The following KDM3B variants were observed in gnomAD, a reference collection of about 807,000 sequenced individuals.
KDM3B encodes lysine demethylase 3B.
A neutral mutation model predicts 170.0 loss-of-function variants in KDM3B; 10 were observed. The ratio of observed to expected loss-of-function variants is 0.06; its 90% CI spans 0.04 to 0.10. The LOEUF is 0.10. Among genes scored for constraint, KDM3B ranks in the 10% least tolerant of loss-of-function variants. KDM3B has a pLI of 1.00. For missense variants in KDM3B, 1,394 were observed against 2,195.2 expected, an observed-to-expected ratio of 0.64 and a Z score of 7.29; for synonymous variants, 831 against 834.8, an observed-to-expected ratio of 1.00 and a Z score of 0.08.
At chr5:138,364,971 T>A (rs544778951) in intron 1 of KDM3B, among the ~76,000 whole-genome samples, 1 of 152,368 alleles carries the variant, frequency 6.6e-6, no homozygotes, top group African/African-American at 2.4e-5. Flanking sequence ...TAGAAAGCTA[T>A]CTCTTGAGAA....
chr5:138,399,887 G>A lies in KDM3B; in HGVS notation c.3074G>A (p.Arg1025His), dbSNP rs751319439. 20 of 1,613,910 alleles carry A rather than the reference G, an allele frequency of 1.2e-5. No individual in the cohort carries two copies. Among genetic ancestry groups the A allele is most frequent in the East Asian group, 4.5e-5 (2 of 44,890 alleles). The change falls in exon 11 of 24, where the codon CGT becomes CAT. Residue 1025 changes from arginine to histidine, a missense_variant. By Grantham distance (29) the Arg-to-His change is conservative. Coordinates refer to ENST00000314358, the MANE Select transcript of KDM3B (RefSeq NM_016604.4). ...AAAGTGGCATGGAAGCGAGCTGTGC[G>A]TGGTGTACGGGAGATGTGTGATGTG... ...HQKVAWKRAV[R>H]GVREMCDVCE...
intron 19 of KDM3B, 115 bp from the exon 20 acceptor site, chr5:138,427,852 C>T (rs958099916): frequency 1.1e-6 from 1 of 920,362 alleles, no homozygotes; most frequent in Admixed American, 2.4e-5. Flanking sequence ...ATAGACTTCA[C>T]TCTCCTAATT....
intron 6 of KDM3B, 44 bp downstream of exon 6, chr5:138,381,634 A>G (rs986278776): frequency 1.6e-6 from 2 of 1,237,120 alleles, no homozygotes; most frequent in African/African-American, 2.9e-5. Flanking sequence ...ATGAGCTTGC[A>G]TTATCTTGCT....
rs577597390 is a variant in KDM3B, at chr5:138,420,731, C to T, written c.3741C>T (p.Leu1247=). Residue 1247 remains leucine, a synonymous_variant, in exon 15 of 24, where the codon CTC becomes CTT. Transcript: ENST00000314358. ...TKEAGSLRSV[L]NKESHSPFGL... The stretch of plus-strand genomic sequence containing the variant: ...AAGCAGGGTCCCTGAGGTCGGTGCT[C>T]AATAAAGAGTCTCATTCACCCTTTG... The T allele has an allele frequency of 9.3e-6, 15 of 1,614,098 alleles. No homozygotes were observed. The South Asian group carries it at 1.3e-4, about 14-fold the overall frequency.
chr5:138,383,892 G>A (rs1762187421), intron 6 of KDM3B, among the ~76,000 whole-genome samples: 1 of 151,990 alleles, frequency 6.6e-6, no homozygotes, highest in South Asian at 2.1e-4. Flanking sequence ...GGAGGTTGCA[G>A]TGAGCTGAGA....
chr5:138,364,610 G>A (rs1761697178), intron 1 of KDM3B, among the ~76,000 whole-genome samples: 1 of 151,818 alleles, frequency 6.6e-6, no homozygotes, highest in Non-Finnish European at 1.5e-5. Context: ...AGTCATGCCA[G>A]TTTTTACTCT....
rs758931879 is a variant in KDM3B, at chr5:138,391,125, C to T, written c.1493C>T (p.Thr498Ile). ...GRSQSNGVLA[T>I]ENKPLGFSFG... ...AGCCAGTCCAATGGTGTTCTAGCCA[C>T]AGAGAACAAACCTTTGGGCTTCTCT... The change falls in exon 8 of 24, where the codon ACA becomes ATA. Residue 498 changes from threonine (T) to isoleucine (I), a missense_variant. Thr to Ile is a moderately conservative substitution (Grantham distance 89, BLOSUM62 -1). Around this residue, in one of 19 missense-constraint regions of KDM3B, gnomAD observed 10 missense variants for 29.3 expected, o/e 0.34. Coordinates refer to ENST00000314358, the MANE Select transcript of KDM3B (RefSeq NM_016604.4). This position sits in a 1 kb window ranked among gnomAD's most constrained non-coding sequence, Gnocchi z 5.0. 1.4e-5 allele frequency: 22 copies of T among 1,614,046 alleles called. No individual in the cohort carries two copies. The highest frequency in any genetic ancestry group is 3.4e-6 in the Non-Finnish European group (4 of 1,179,988).
chr5:138,370,585 T>C (rs574410791), intron 1 of KDM3B, among the ~76,000 whole-genome samples: 1 of 152,338 alleles, frequency 6.6e-6, no homozygotes, highest in East Asian at 1.9e-4. Context: ...ATTAAGTTTT[T>C]AATGGATTTG....
intron 13 of KDM3B, chr5:138,417,868 A>T (rs1403100974): frequency 2.8e-6 from 1 of 356,624 alleles, no homozygotes; most frequent in Non-Finnish European, 5.2e-6. Context: ...TCTTGTCAAG[A>T]TACATACCTC....
In KDM3B at chr5:138,385,979, G is replaced by T. The variant is rs773713539; in HGVS notation, c.781-43G>T. 2.0e-5 allele frequency: 31 copies of T among 1,554,340 alleles called. No homozygotes were observed. The South Asian group carries it at 3.9e-4, about 20-fold the overall frequency. ...AGCTAATGGTGTGTGGTATTCACAG[G>T]ATGAAAGTTTCCTTGTAATCTTTTT... On this transcript the variant is annotated intron_variant, in intron 6 of 23. Coordinates refer to ENST00000314358, the MANE Select transcript of KDM3B (RefSeq NM_016604.4).
chr5:138,378,165 G>A (rs1191645541), intron 4 of KDM3B, among the ~76,000 whole-genome samples: 2 of 152,122 alleles, frequency 1.3e-5, no homozygotes, highest in Non-Finnish European at 2.9e-5. Flanking sequence ...ATCTCATTCA[G>A]ACCAATGTTT....
chr5:138,399,863 A>G lies in KDM3B; in HGVS notation c.3050A>G (p.Lys1017Arg). 1.9e-6 allele frequency: 3 copies of G among 1,611,786 alleles called. No individual in the cohort carries two copies. Among genetic ancestry groups the G allele is most frequent in the Non-Finnish European group, 2.5e-6 (3 of 1,178,100 alleles). ...TTCTGTTTCCTCTTTCCACCAGAGAAAGTGGCATGGAAGCGAGCTGTGCGT... is the reference window on the plus strand; with the variant it reads ...TTCTGTTTCCTCTTTCCACCAGAGAGAGTGGCATGGAAGCGAGCTGTGCGT... ...EAMMMVEPHQ[K>R]VAWKRAVRGV... The change falls in exon 11 of 24, where the codon AAA (lysine) becomes AGA (arginine). Residue 1017 changes from lysine to arginine, a missense_variant. Around this residue, in one of 19 missense-constraint regions of KDM3B, gnomAD observed 76 missense variants for 190.2 expected, o/e 0.40. Coordinates refer to ENST00000314358, the MANE Select transcript of KDM3B (RefSeq NM_016604.4).
chr5:138,435,510 C>G (rs1001893466), intron 23 of KDM3B, 110 bp from the exon 24 acceptor site: 45 of 767,890 alleles, frequency 5.9e-5, no homozygotes, highest in Non-Finnish European at 9.5e-5. Context: ...TACAGGAACG[C>G]ACAGTCCTTT....
intron 1 of KDM3B, among the ~76,000 whole-genome samples, chr5:138,369,767 T>C (rs904692559): frequency 6.6e-6 from 1 of 152,224 alleles, no homozygotes; most frequent in African/African-American, 2.4e-5. Context: ...ACCCTATTTC[T>C]GTTTATCCTG....
intron 19 of KDM3B, 66 bp from the exon 20 acceptor site, chr5:138,427,901 G>A: frequency 6.7e-7 from 1 of 1,481,874 alleles, no homozygotes; most frequent in Non-Finnish European, 9.3e-7. Context: ...GTTTTCAGAT[G>A]TAGTGTCGAC....
At chr5:138,400,326 G>C (rs920750741) in intron 11 of KDM3B, among the ~76,000 whole-genome samples, 2 of 151,774 alleles carry the variant, frequency 1.3e-5, no homozygotes, top group Non-Finnish European at 2.9e-5. Flanking sequence ...CCTTGACCTA[G>C]GCTCAAGTGA....
rs1762473144 is a variant in KDM3B, at chr5:138,393,060, G to A, written c.2630-111G>A. ...ACATAATGGGTACATGCCCAAGCAG[G>A]GAAAGGAGTAGCAACCCAGGTCAGA... On this transcript the variant is annotated intron_variant, in intron 8 of 23. Coordinates refer to ENST00000314358, the MANE Select transcript of KDM3B (RefSeq NM_016604.4). 3 of 929,412 alleles carry A rather than the reference G, an allele frequency of 3.2e-6. No homozygotes were observed. In the African/African-American group the frequency reaches 4.9e-5, roughly 15 times the overall value. The allele number at this position is 929,412 out of a possible 1,614,324, so 57.6% of individuals were successfully genotyped here.
At chr5:138,379,912 C>T (rs1002550326) in intron 5 of KDM3B, among the ~76,000 whole-genome samples, 2 of 152,080 alleles carry the variant, frequency 1.3e-5, no homozygotes, top group African/African-American at 4.8e-5. Context: ...ATATGTAAAC[C>T]CCCACTGACC....
In KDM3B at chr5:138,436,209, C is replaced by G. The variant is rs1401236864; in HGVS notation, c.*509C>G. The G allele has an allele frequency of 1.3e-5, 2 of 155,236 alleles. No homozygotes were observed. Among genetic ancestry groups the G allele is most frequent in the Admixed American group, 6.4e-5 (1 of 15,606 alleles). 9.6% of individuals were successfully genotyped at this position (155,236 alleles called of 1,614,324 possible). A position where few individuals can be genotyped will look rare whatever the true frequency, so the allele number is the denominator to read the frequency against. On this transcript the variant is annotated 3_prime_UTR_variant, in exon 24 of 24. Coordinates refer to ENST00000314358, the MANE Select transcript of KDM3B (RefSeq NM_016604.4). ...GGGGTGAAGCTATTCCCCACACTCTCCTGTGAACACTGGAGTCTTGCAAGA... is the reference window on the plus strand; with the variant it reads ...GGGGTGAAGCTATTCCCCACACTCTGCTGTGAACACTGGAGTCTTGCAAGA...
Sources: allele counts gnomAD v4.1 joint callset (sites outside exome capture counted in the v4.1 genomes callset), GRCh38; gene constraint gnomAD v4.1.1; regional missense constraint gnomAD v4.1.1; non-coding constraint Gnocchi (gnomAD v3.1); transcripts MANE v1.5; gene names NCBI Gene and HGNC (gene_info 2026-07-23, HGNC 2026-07-21).